KLF9: variants seen among roughly 807,000 people sequenced by gnomAD.
KLF9 encodes KLF transcription factor 9, also known as Krueppel-like factor 9.
A neutral mutation model predicts 17.3 loss-of-function variants in KLF9; 2 were observed. That is an observed-to-expected ratio of 0.12 (90% CI 0.05 to 0.36). The LOEUF (loss-of-function observed/expected upper bound fraction) is 0.36. KLF9 is among the 10% of genes least tolerant of loss of function. The probability of loss-of-function intolerance (pLI) is 1.00; values close to 1 mark genes in which losing one functional copy is unlikely to be tolerated. For synonymous variants in KLF9, 138 were observed against 139.2 expected, an observed-to-expected ratio of 0.99 and a Z score of 0.06; for missense variants, 226 against 333.2, an observed-to-expected ratio of 0.68 and a Z score of 2.51.
At chr9:70,393,740 G>C (rs1331203965) in intron 1 of KLF9, among the ~76,000 whole-genome samples, 2 of 152,196 alleles carry the variant, frequency 1.3e-5, no homozygotes, top group Admixed American at 1.3e-4. Flanking sequence ...GTTTCTTGCA[G>C]ATGTAGAAAA....
intron 1 of KLF9, among the ~76,000 whole-genome samples, chr9:70,401,608 A>C (rs1375118229): frequency 6.9e-6 from 1 of 145,668 alleles, no homozygotes; most frequent in Non-Finnish European, 1.5e-5. Flanking sequence ...AATCACATGA[A>C]CCTGGGAGGC....
chr9:70,389,460 C>T (rs150199396), intron 1 of KLF9, among the ~76,000 whole-genome samples: 2 of 152,286 alleles, frequency 1.3e-5, no homozygotes, highest in African/African-American at 4.8e-5. Flanking sequence ...GCCCTGTCTA[C>T]CAAGGCCCGT....
At chr9:70,407,157 T>C (rs886830133) in intron 1 of KLF9, among the ~76,000 whole-genome samples, 1 of 152,188 alleles carries the variant, frequency 6.6e-6, no homozygotes, top group Non-Finnish European at 1.5e-5. Flanking sequence ...TTTCCCAATA[T>C]GTCATATGAT....
At position 70,413,136 on chromosome 9, in the gene KLF9, G is replaced by T; in HGVS notation, c.228C>A (p.Ile76=). 6.2e-7 allele frequency: 1 copy of T among 1,614,218 alleles called. No homozygotes were observed. The highest frequency in any genetic ancestry group is 8.5e-7 in the Non-Finnish European group (1 of 1,180,040). Residue 76 remains isoleucine (I), a synonymous_variant, in exon 1 of 2, where the codon ATC becomes ATA. Coordinates refer to ENST00000377126, the MANE Select transcript of KLF9 (RefSeq NM_001206.4). The surrounding 1 kb of genome is among the most constrained non-coding windows in gnomAD (Gnocchi z 5.6). ...TGTCGCTGCACACGGAGGGGGTCTGGATGGGTCGGTACTTGTTCAGGTCCA... is the reference window on the plus strand; with the variant it reads ...TGTCGCTGCACACGGAGGGGGTCTGTATGGGTCGGTACTTGTTCAGGTCCA... ...SLLDLNKYRP[I]QTPSVCSDSL...
At chr9:70,411,898 C>A (rs1204146684) in intron 1 of KLF9, among the ~76,000 whole-genome samples, 1 of 152,124 alleles carries the variant, frequency 6.6e-6, no homozygotes, top group African/African-American at 2.4e-5. Flanking sequence ...GACAGCATGT[C>A]CAAATGTGAA....
chr9:70,410,472 A>T (rs1052181164), intron 1 of KLF9, among the ~76,000 whole-genome samples: 3 of 152,254 alleles, frequency 2.0e-5, no homozygotes, highest in Admixed American at 6.5e-5. Context: ...CTACAGAAGT[A>T]GCAGCACTGA....
At chr9:70,394,017 C>A (rs1412859519) in intron 1 of KLF9, among the ~76,000 whole-genome samples, 4 of 100,976 alleles carry the variant, frequency 4.0e-5, no homozygotes, top group African/African-American at 1.5e-4. Flanking sequence ...AGACTGAGAC[C>A]CTGTCTCAAA....
intron 1 of KLF9, among the ~76,000 whole-genome samples, chr9:70,407,826 C>A (rs1463220455): frequency 1.3e-5 from 2 of 152,116 alleles, no homozygotes; most frequent in African/African-American, 2.4e-5. Flanking sequence ...TATAGCAAAC[C>A]CTTGCAGCCT....
At chr9:70,406,452 T>C (rs2037255624) in intron 1 of KLF9, among the ~76,000 whole-genome samples, 1 of 152,214 alleles carries the variant, frequency 6.6e-6, no homozygotes, top group South Asian at 2.1e-4. Flanking sequence ...ATGATGGATG[T>C]GATGACCTCC....
Position 70,387,808 on chromosome 9 carries a change from G to T in KLF9, c.703C>A (p.Arg235=). The change falls in exon 2 of 2, where the codon CGA becomes AGA. Residue 235 remains arginine (R), a synonymous_variant. Coordinates refer to ENST00000377126, the MANE Select transcript of KLF9 (RefSeq NM_001206.4). ...HTEFHPSMIK[R]SKKALANAL ...GCGTTGGCCAGCGCCTTTTTCGATC[G>T]CTTGATCATGCTGGGGTGGAACTCG... 1.2e-6 allele frequency: 2 copies of T among 1,613,940 alleles called. No individual in the cohort carries two copies. The highest frequency in any genetic ancestry group is 1.3e-5 in the African/African-American group (1 of 74,998).
rs956930807 is a variant in KLF9, at chr9:70,386,125, C to G, written c.*1651G>C. The G allele has an allele frequency of 6.6e-6, 1 of 152,472 alleles. No individual in the cohort carries two copies. The highest frequency in any genetic ancestry group is 1.5e-5 in the Non-Finnish European group (1 of 68,014). The allele number at this position is 152,472 out of a possible 1,614,324, so 9.4% of individuals were successfully genotyped here. A position where few individuals can be genotyped will look rare whatever the true frequency, so the allele number is the denominator to read the frequency against. On this transcript the variant is annotated 3_prime_UTR_variant, in exon 2 of 2. Transcript: ENST00000377126. The stretch of plus-strand genomic sequence containing the variant: ...GTATAAACTAGAGTGCACCATAGCT[C>G]CCTGTTTTAAATATCAGATAAAATC...
chr9:70,388,676 T>C (rs73647499), intron 1 of KLF9, among the ~76,000 whole-genome samples: 3,788 of 152,234 alleles, frequency 0.025, 139 homozygotes, highest in African/African-American at 0.086. Context: ...AGAATTGGCA[T>C]TGGGTCCAAC....
intron 1 of KLF9, among the ~76,000 whole-genome samples, chr9:70,399,297 G>A (rs1277823797): frequency 6.6e-6 from 1 of 152,148 alleles, no homozygotes; most frequent in Non-Finnish European, 1.5e-5. Flanking sequence ...GAATTTAGAG[G>A]TGGATGAAAT....
At position 70,414,421 on chromosome 9, in the gene KLF9, T is replaced by C. The variant is rs767810137; in HGVS notation, c.-1058A>G. The C allele has an allele frequency of 2.6e-4, 39 of 152,228 alleles. No individual in the cohort carries two copies. Among genetic ancestry groups the C allele is most frequent in the Non-Finnish European group, 8.8e-5 (6 of 68,046 alleles). 9.4% of individuals were successfully genotyped at this position (152,228 alleles called of 1,614,324 possible). ...GCCTTCCAATCAAAAGTAAGTTGGT[T>C]GATGTCACTGGCATTGGCTCGGCCA... On this transcript the variant is annotated 5_prime_UTR_variant, in exon 1 of 2. Transcript: ENST00000377126.
At chr9:70,405,594 C>A (rs1232219397) in intron 1 of KLF9, among the ~76,000 whole-genome samples, 1 of 152,156 alleles carries the variant, frequency 6.6e-6, no homozygotes, top group Non-Finnish European at 1.5e-5. Flanking sequence ...AGCTCTAGAA[C>A]CTTTAGATTT....
intron 1 of KLF9, among the ~76,000 whole-genome samples, chr9:70,396,315 G>A (rs2037181584): frequency 6.6e-6 from 1 of 152,190 alleles, no homozygotes; most frequent in African/African-American, 2.4e-5. Context: ...AAAATAAAGG[G>A]CTGGTTTAAT....
chr9:70,395,635 T>G (rs2037178116), intron 1 of KLF9, among the ~76,000 whole-genome samples: 2 of 152,036 alleles, frequency 1.3e-5, no homozygotes, highest in South Asian at 4.1e-4. Flanking sequence ...AGGATGCAAA[T>G]AAATAATTTA....
chr9:70,408,931 G>A (rs923540656), intron 1 of KLF9, among the ~76,000 whole-genome samples: 9 of 147,958 alleles, frequency 6.1e-5, no homozygotes, highest in Non-Finnish European at 1.3e-4. Flanking sequence ...CCGCCACTCC[G>A]GGCTTTTGTA....
chr9:70,405,299 T>C (rs2037248827), intron 1 of KLF9, among the ~76,000 whole-genome samples: 2 of 152,204 alleles, frequency 1.3e-5, no homozygotes, highest in Admixed American at 6.5e-5. Flanking sequence ...ATGTTCAAAC[T>C]TCATTGAATA....
Sources: allele counts gnomAD v4.1 joint callset (sites outside exome capture counted in the v4.1 genomes callset), GRCh38; gene constraint gnomAD v4.1.1; non-coding constraint Gnocchi (gnomAD v3.1); transcripts MANE v1.5; gene names NCBI Gene and HGNC (gene_info 2026-07-23, HGNC 2026-07-21).